The following F13A1 variants were observed in gnomAD, a reference collection of about 807,000 sequenced individuals.
F13A1 encodes the protein FSF, A subunit.
F13A1 carries 47 observed loss-of-function variants against 80.1 expected under a neutral mutation model. The observed-to-expected ratio is 0.59, with a 90% CI of 0.46 to 0.75. The LOEUF (loss-of-function observed/expected upper bound fraction) is 0.75, where lower values mean the gene tolerates loss of function less well. Ranked by LOEUF, F13A1 falls within the 30% of genes least tolerant of loss-of-function variation. The pLI is 0.00. For missense variants in F13A1, 817 were observed against 930.4 expected (o/e 0.88, Z 1.59); for synonymous variants, 349 against 344.9 (o/e 1.01, Z -0.13).
Position 6,289,431 on chromosome 6 carries a change from T to TACAC in F13A1, c.319+15916_319+15919dup, listed in dbSNP as rs58774884. ...GGTGAGTCCCATTTTACTATGCAAATACACACACACACACACACACGCACA... is the reference window on the plus strand; with the variant it reads ...GGTGAGTCCCATTTTACTATGCAAATACACACACACACACACACACACACGCACA... On this transcript the variant is annotated intron_variant, in intron 3 of 14. Transcript: ENST00000264870. 4.9e-3 allele frequency among the ~76,000 whole-genome samples: 729 copies of TACAC among 149,564 alleles called. 6 individuals are homozygous for TACAC. Among genetic ancestry groups the TACAC allele is most frequent in the African/African-American group, 0.015 (623 of 40,800 alleles).
At chr6:6,320,545 G>A (rs894169886) in intron 1 of F13A1, 42 bp downstream of exon 1, 10 of 409,894 alleles carry the variant, frequency 2.4e-5, no homozygotes, top group Admixed American at 1.2e-4. Context: ...GAAGGTGGAC[G>A]CAGCGGGCCC....
chr6:6,177,165 A>G lies in F13A1; in HGVS notation c.1460-2298T>C, dbSNP rs551444982. 3.9e-5 allele frequency among the ~76,000 whole-genome samples: 6 copies of G among 152,314 alleles called. No individual in the cohort carries two copies. The South Asian group carries it at 1.2e-3, about 32-fold the overall frequency. On this transcript the variant is annotated intron_variant, in intron 11 of 14. Transcript: ENST00000264870. ...ATCCAAAGCCAGATTATATTTTCTG[A>G]GATTCTTCTGCAGCCTCTGGGTGCA...
intron 1 of F13A1, among the ~76,000 whole-genome samples, chr6:6,319,311 T>A (rs2113208308): frequency 6.6e-6 from 1 of 152,218 alleles, no homozygotes; most frequent in East Asian, 1.9e-4. Context: ...CATAAGTAAA[T>A]CCACTTAGGG....
chr6:6,285,987 C>T (rs1324451525), intron 3 of F13A1, among the ~76,000 whole-genome samples: 4 of 152,232 alleles, frequency 2.6e-5, no homozygotes, highest in Non-Finnish European at 5.9e-5. Context: ...CACTAGTAAA[C>T]GCACTGTGCA....
chr6:6,283,717 G>T (rs547761017), intron 3 of F13A1, among the ~76,000 whole-genome samples: 1 of 151,894 alleles, frequency 6.6e-6, no homozygotes, highest in South Asian at 2.1e-4. Context: ...TTTCTTAAGA[G>T]AAACATTTTT....
intron 3 of F13A1, among the ~76,000 whole-genome samples, chr6:6,279,164 T>C (rs1013574639): frequency 6.6e-6 from 1 of 152,056 alleles, no homozygotes; most frequent in Non-Finnish European, 1.5e-5. Flanking sequence ...TCAGGGGACA[T>C]GGTATAAAAA....
At chr6:6,154,103 A>T (rs1253806021) in intron 13 of F13A1, among the ~76,000 whole-genome samples, 1 of 149,556 alleles carries the variant, frequency 6.7e-6, no homozygotes, top group Non-Finnish European at 1.5e-5. Flanking sequence ...CCAACAACTC[A>T]GCAATAACAA....
intron 2 of F13A1, among the ~76,000 whole-genome samples, chr6:6,316,052 G>A (rs1758675135): frequency 1.0e-5 from 1 of 99,874 alleles, no homozygotes; most frequent in Non-Finnish European, 1.9e-5. Context: ...TTGTTCAGAT[G>A]GTTTGTGTGC....
intron 8 of F13A1, among the ~76,000 whole-genome samples, chr6:6,221,696 A>AC (rs1386367125): frequency 1.3e-5 from 2 of 152,208 alleles, no homozygotes; most frequent in Non-Finnish European, 1.5e-5. Flanking sequence ...GACCCAGAGA[A>AC]CGCTTGGCTC....
At chr6:6,180,271 C>A (rs575780394) in intron 11 of F13A1, among the ~76,000 whole-genome samples, 1 of 152,224 alleles carries the variant, frequency 6.6e-6, no homozygotes, top group African/African-American at 2.4e-5. Flanking sequence ...CGAGGTCTTC[C>A]CCAACTGCCG....
In F13A1 at chr6:6,250,796, T is replaced by C. The variant is rs771449646; in HGVS notation, c.690+15A>G. On this transcript the variant is annotated intron_variant, in intron 5 of 14. Transcript: ENST00000264870. The surrounding 1 kb of genome is among the most constrained non-coding windows in gnomAD (Gnocchi z 4.2). ...TAAAAATGTCCTTGACAATAACAAA[T>C]TTTAAGTGGCTCACCTGACCATAGC... is the stretch of plus-strand genomic sequence containing the variant. 1 of 1,569,548 alleles carries C rather than the reference T, an allele frequency of 6.4e-7. No homozygotes were observed. The highest frequency in any genetic ancestry group is 1.7e-5 in the Admixed American group (1 of 59,956).
intron 11 of F13A1, 39 bp from the exon 12 acceptor site, chr6:6,174,906 A>G (rs764558832): frequency 4.3e-6 from 7 of 1,612,352 alleles, no homozygotes; most frequent in Admixed American, 1.7e-5. Flanking sequence ...CAAAAATACA[A>G]TCCACCAGAG....
At chr6:6,147,802 G>A (rs530707398) in intron 14 of F13A1, among the ~76,000 whole-genome samples, 7 of 152,186 alleles carry the variant, frequency 4.6e-5, no homozygotes, top group Non-Finnish European at 1.0e-4. Context: ...ATGAAGATAC[G>A]TATGCATGCT....
intron 3 of F13A1, among the ~76,000 whole-genome samples, chr6:6,294,774 A>G (rs1758295142): frequency 6.6e-6 from 1 of 151,018 alleles, no homozygotes; most frequent in South Asian, 2.1e-4. Flanking sequence ...TTTAAGTTTT[A>G]GGGTACATGT....
chr6:6,178,087 C>T (rs1247210528), intron 11 of F13A1, among the ~76,000 whole-genome samples: 1 of 150,206 alleles, frequency 6.7e-6, no homozygotes, highest in Non-Finnish European at 1.5e-5. Flanking sequence ...GGGAGAGGCT[C>T]AGGTTTATAT....
chr6:6,310,520 TG>T (rs1758575416), intron 2 of F13A1, among the ~76,000 whole-genome samples: 1 of 152,106 alleles, frequency 6.6e-6, no homozygotes, highest in African/African-American at 2.4e-5. Context: ...TTATTGTTGT[TG>T]TTATTATTAT....
chr6:6,197,911 C>T (rs565311183), intron 8 of F13A1, among the ~76,000 whole-genome samples: 1 of 149,536 alleles, frequency 6.7e-6, no homozygotes, highest in East Asian at 2.0e-4. Context: ...GTGCATTGAA[C>T]AGTTTTAATC....
At chr6:6,309,307 G>A (rs1046057605) in intron 2 of F13A1, among the ~76,000 whole-genome samples, 2 of 152,272 alleles carry the variant, frequency 1.3e-5, no homozygotes, top group South Asian at 2.1e-4. Flanking sequence ...GACAAAGGAA[G>A]TAAAGAGAAC....
intron 14 of F13A1, among the ~76,000 whole-genome samples, chr6:6,147,297 T>C (rs1269971276): frequency 6.6e-6 from 1 of 152,118 alleles, no homozygotes; most frequent in Admixed American, 6.6e-5. Context: ...CAAAAACCTA[T>C]AGAAATAAAA....
Sources: gnomAD v4.1 joint callset for allele counts (sites outside exome capture counted in the v4.1 genomes callset) on GRCh38, gnomAD v4.1.1 for gene constraint, Gnocchi (gnomAD v3.1) non-coding constraint, MANE v1.5 for transcripts, NCBI Gene and HGNC (gene_info 2026-07-23, HGNC 2026-07-21) for gene names.